CNTN3: variants seen among roughly 807,000 people sequenced by gnomAD.
CNTN3 encodes contactin 3, also known as contactin-3.
Under a neutral mutation model 119.1 loss-of-function variants are expected in CNTN3, and 60 were observed. The ratio of observed to expected loss-of-function variants is 0.50; its 90% confidence interval spans 0.41 to 0.62. CNTN3 has a LOEUF of 0.62. CNTN3 is among the 20% of genes least tolerant of loss of function. The probability of loss-of-function intolerance (pLI) is 0.00; values close to 1 mark genes in which losing one functional copy is unlikely to be tolerated. For synonymous variants in CNTN3, 450 were observed against 438.7 expected (o/e 1.03, Z -0.32); for missense variants, 1,101 against 1,242.4 (o/e 0.89, Z 1.71).
intron 13 of CNTN3, among the ~76,000 whole-genome samples, chr3:74,322,849 G>C (rs1006599898): frequency 1.3e-5 from 2 of 152,168 alleles, no homozygotes; most frequent in Admixed American, 1.3e-4. Context: ...AAAAGACATG[G>C]AGGAACTTAA....
intron 1 of CNTN3, among the ~76,000 whole-genome samples, chr3:74,611,556 A>G (rs1014566390): frequency 7.2e-5 from 11 of 152,182 alleles, no homozygotes; most frequent in Non-Finnish European, 1.2e-4. Flanking sequence ...TACAAATTGG[A>G]TATGAGAATG....
chr3:74,396,523 G>A (rs1464098243), intron 5 of CNTN3, among the ~76,000 whole-genome samples: 1 of 152,034 alleles, frequency 6.6e-6, no homozygotes, highest in Non-Finnish European at 1.5e-5. Context: ...GAGGCGGGTG[G>A]ATCATCAGGT....
In CNTN3 at chr3:74,614,417, C is replaced by G. The variant is rs575707607; in HGVS notation, c.-107G>C. Among the ~76,000 whole-genome samples the G allele has an allele frequency of 1.2e-3, 176 of 148,382 alleles. 1 individual carries two copies. Among genetic ancestry groups the G allele is most frequent in the Middle Eastern group, 3.4e-3 (1 of 292 alleles). On this transcript the variant is annotated 5_prime_UTR_variant, in exon 1 of 23. Coordinates refer to ENST00000263665, the MANE Select transcript of CNTN3 (RefSeq NM_020872.3). ...TGGTCTCTGCAGCTCGCCAGACGCC[C>G]GCCCCGACGGCCCACTCGCCGCCGC...
chr3:74,383,254 A>G (rs1316415040), intron 5 of CNTN3, among the ~76,000 whole-genome samples: 1 of 152,154 alleles, frequency 6.6e-6, no homozygotes, highest in Non-Finnish European at 1.5e-5. Context: ...TAGTAGCCAT[A>G]TTCTTGTTAT....
intron 4 of CNTN3, among the ~76,000 whole-genome samples, chr3:74,475,134 C>T (rs1323753248): frequency 6.6e-6 from 1 of 151,922 alleles, no homozygotes; most frequent in Non-Finnish European, 1.5e-5. Flanking sequence ...CTGGTCCATC[C>T]CAGACCCTAA....
At chr3:74,340,933 C>T (rs1703520476) in intron 11 of CNTN3, among the ~76,000 whole-genome samples, 2 of 152,102 alleles carry the variant, frequency 1.3e-5, no homozygotes, top group South Asian at 4.1e-4. Flanking sequence ...ACTACAAATA[C>T]AGAAGTGCTA....
At chr3:74,415,315 T>C (rs920501140) in intron 5 of CNTN3, among the ~76,000 whole-genome samples, 2 of 152,240 alleles carry the variant, frequency 1.3e-5, no homozygotes, top group South Asian at 4.2e-4. Context: ...GAAATTCACC[T>C]GTAGACTGAA....
chr3:74,385,154 A>G (rs993951240), intron 5 of CNTN3, among the ~76,000 whole-genome samples: 1 of 152,180 alleles, frequency 6.6e-6, no homozygotes, highest in Admixed American at 6.5e-5. Context: ...GATTTTTCAA[A>G]TTCAAATTAG....
chr3:74,419,653 G>A (rs1387963056), intron 5 of CNTN3, among the ~76,000 whole-genome samples: 2 of 152,204 alleles, frequency 1.3e-5, no homozygotes, highest in Non-Finnish European at 1.5e-5. Flanking sequence ...GATATGGAAA[G>A]CTGAATCAAG....
intron 1 of CNTN3, among the ~76,000 whole-genome samples, chr3:74,579,559 T>C (rs1424233544): frequency 6.6e-6 from 1 of 152,060 alleles, no homozygotes; most frequent in African/African-American, 2.4e-5. Flanking sequence ...CCAATTGAAA[T>C]AATAAATAGT....
At chr3:74,282,937 A>G (rs1702043110) in intron 20 of CNTN3, among the ~76,000 whole-genome samples, 1 of 152,180 alleles carries the variant, frequency 6.6e-6, no homozygotes, top group Non-Finnish European at 1.5e-5. Context: ...AATAACATCT[A>G]CAGATCAACC....
At chr3:74,563,391 G>T (rs1704181804) in intron 1 of CNTN3, among the ~76,000 whole-genome samples, 1 of 152,082 alleles carries the variant, frequency 6.6e-6, no homozygotes, top group Non-Finnish European at 1.5e-5. Context: ...GGCATACGTG[G>T]TAGGATCCAC....
At chr3:74,273,159 C>A (rs1290724142) in intron 20 of CNTN3, among the ~76,000 whole-genome samples, 1 of 152,084 alleles carries the variant, frequency 6.6e-6, no homozygotes, top group Non-Finnish European at 1.5e-5. Flanking sequence ...TTAGAACTTC[C>A]AAATTCTGTG....
chr3:74,583,593 A>T lies in CNTN3; in HGVS notation c.-81+30798T>A, dbSNP rs564734005. ...GGGGAGATAGAATTGACTGGAAATG[A>T]CCATGAGAGGAATTTCTGGATGAAT... On this transcript the variant is annotated intron_variant, in intron 1 of 22. Transcript: ENST00000263665. Among the ~76,000 whole-genome samples the T allele has an allele frequency of 5.9e-5, 9 of 152,294 alleles. No individual in the cohort carries two copies. The South Asian group carries it at 1.9e-3, about 32-fold the overall frequency.
chr3:74,556,833 T>C (rs933110639), intron 1 of CNTN3, among the ~76,000 whole-genome samples: 2 of 152,218 alleles, frequency 1.3e-5, no homozygotes, highest in Admixed American at 1.3e-4. Context: ...TTTAGTTGTC[T>C]TAATGGGTGT....
intron 4 of CNTN3, among the ~76,000 whole-genome samples, chr3:74,456,452 C>G (rs1258707342): frequency 6.6e-6 from 1 of 151,866 alleles, no homozygotes; most frequent in Non-Finnish European, 1.5e-5. Flanking sequence ...CATTAATGAT[C>G]TCAACAGGAG....
intron 5 of CNTN3, among the ~76,000 whole-genome samples, chr3:74,402,419 T>C (rs1239545966): frequency 1.3e-5 from 2 of 152,200 alleles, no homozygotes; most frequent in African/African-American, 2.4e-5. Flanking sequence ...TTCTACCTTA[T>C]TTAGAAGCAT....
chr3:74,598,550 C>T (rs1238900735), intron 1 of CNTN3, among the ~76,000 whole-genome samples: 3 of 152,002 alleles, frequency 2.0e-5, no homozygotes, highest in African/African-American at 7.2e-5. Context: ...GTCTTGACCT[C>T]CCTGGCCCAA....
intron 2 of CNTN3, among the ~76,000 whole-genome samples, chr3:74,506,750 A>AAAAAC (rs1553674826): frequency 6.8e-6 from 1 of 147,202 alleles, no homozygotes; most frequent in East Asian, 2.0e-4. Context: ...AAAAAAAAAA[A>AAAAAC]AACAACACTT....
Sources: gnomAD v4.1 joint callset for allele counts (sites outside exome capture counted in the v4.1 genomes callset) on GRCh38, gnomAD v4.1.1 for gene constraint, MANE v1.5 for transcripts, NCBI Gene and HGNC (gene_info 2026-07-23, HGNC 2026-07-21) for gene names.